The following PDE4D variants were observed in gnomAD, a reference collection of about 807,000 sequenced individuals.
The protein encoded by PDE4D is phosphodiesterase 4D, also known as 3',5'-cyclic-AMP phosphodiesterase 4D.
A neutral mutation model predicts 87.4 loss-of-function variants in PDE4D; 24 were observed. The ratio of observed to expected loss-of-function variants is 0.27; its 90% CI spans 0.20 to 0.39. The LOEUF (loss-of-function observed/expected upper bound fraction) is 0.39, where lower values mean the gene tolerates loss of function less well. Ranked by LOEUF, PDE4D falls within the 10% of genes least tolerant of loss-of-function variation. The pLI, the probability that PDE4D is intolerant of heterozygous loss-of-function variation, is 1.00. For synonymous variants in PDE4D, 384 were observed against 383.2 expected (o/e 1.00, Z -0.02); for missense variants, 714 against 1,041.0 (o/e 0.69, Z 4.32).
At chr5:60,100,362 T>G (rs1776096541) in intron 2 of PDE4D, among the ~76,000 whole-genome samples, 1 of 152,002 alleles carries the variant, frequency 6.6e-6, no homozygotes, top group African/African-American at 2.4e-5. Context: ...TACCTTTTTA[T>G]AAAGTTTGAC....
At chr5:59,444,859 A>G (rs1798129350) in intron 1 of PDE4D, among the ~76,000 whole-genome samples, 1 of 152,106 alleles carries the variant, frequency 6.6e-6, no homozygotes, top group African/African-American at 2.4e-5. Context: ...CCCTCCCTAC[A>G]TATTGCCAGC....
intron 1 of PDE4D, among the ~76,000 whole-genome samples, chr5:59,671,759 A>G (rs1463707671): frequency 6.6e-6 from 1 of 151,460 alleles, no homozygotes; most frequent in Non-Finnish European, 1.5e-5. Flanking sequence ...AGGAGCCATG[A>G]TCATACCACT....
At chr5:59,504,821 G>C (rs1032989955) in intron 1 of PDE4D, among the ~76,000 whole-genome samples, 8 of 151,702 alleles carry the variant, frequency 5.3e-5, no homozygotes, top group African/African-American at 1.9e-4. Flanking sequence ...GACCTTCTTG[G>C]GAGGCCTGCT....
At chr5:60,315,294 A>G (rs974917956) in intron 1 of PDE4D, among the ~76,000 whole-genome samples, 94 of 152,274 alleles carry the variant, frequency 6.2e-4, no homozygotes, top group African/African-American at 2.2e-3. Flanking sequence ...CTTTTGAGAA[A>G]TGTCTGTTCA....
chr5:60,478,164 G>A (rs148341664), intron 1 of PDE4D, among the ~76,000 whole-genome samples: 229 of 152,172 alleles, frequency 1.5e-3, no homozygotes, highest in African/African-American at 5.3e-3. Flanking sequence ...TTTATCTAAA[G>A]CATTTAAAAA....
chr5:59,102,720 T>G (rs944977850), intron 5 of PDE4D, among the ~76,000 whole-genome samples: 1 of 152,126 alleles, frequency 6.6e-6, no homozygotes, highest in Admixed American at 6.5e-5. Context: ...TGGGAACTTA[T>G]AAGAAGGAAA....
chr5:60,094,337 C>G (rs1487610618), intron 2 of PDE4D, among the ~76,000 whole-genome samples: 2 of 152,020 alleles, frequency 1.3e-5, no homozygotes, highest in African/African-American at 4.8e-5. Flanking sequence ...TTAGATTATT[C>G]TAAATAACAC....
At chr5:60,323,916 C>A (rs1756539673) in intron 1 of PDE4D, among the ~76,000 whole-genome samples, 1 of 151,918 alleles carries the variant, frequency 6.6e-6, no homozygotes, top group Admixed American at 6.6e-5. Flanking sequence ...TGAGCTATTC[C>A]CTCTGAGGTA....
intron 3 of PDE4D, among the ~76,000 whole-genome samples, chr5:59,899,194 T>C (rs765570418): frequency 1.2e-4 from 19 of 152,164 alleles, no homozygotes; most frequent in Admixed American, 2.0e-4. Flanking sequence ...GATGAGTCTT[T>C]CAGTGGGGAC....
rs1742836688 is a variant in PDE4D, at chr5:58,972,761, C to CCAA, written c.*1900_*1902dup. On this transcript the variant is annotated 3_prime_UTR_variant, in exon 15 of 15. Coordinates refer to ENST00000340635, the MANE Select transcript of PDE4D (RefSeq NM_001104631.2). ...AGTCAGAATTAAATGCCCCATGATG[C>CCAA]CAACTGCTATAATCAGGTAAACACT... 1 of 152,132 alleles carries CCAA rather than the reference C, an allele frequency of 6.6e-6. No individual in the cohort carries two copies. The allele number at this position is 152,132 out of a possible 1,614,324, so 9.4% of individuals were successfully genotyped here. A position where few individuals can be genotyped will look rare whatever the true frequency, so the allele number is the denominator to read the frequency against.
At chr5:59,563,581 A>G (rs1236131608) in intron 1 of PDE4D, among the ~76,000 whole-genome samples, 2 of 152,218 alleles carry the variant, frequency 1.3e-5, no homozygotes, top group Non-Finnish European at 2.9e-5. Flanking sequence ...AATTCATTCC[A>G]TCTTCACAAC....
chr5:59,081,901 A>G (rs1175821549), intron 5 of PDE4D, among the ~76,000 whole-genome samples: 1 of 152,120 alleles, frequency 6.6e-6, no homozygotes, highest in Non-Finnish European at 1.5e-5. Context: ...AGATAATTGA[A>G]TCATAGGGCA....
intron 1 of PDE4D, among the ~76,000 whole-genome samples, chr5:59,236,502 CAT>C (rs1756454575): frequency 6.6e-6 from 1 of 152,170 alleles, no homozygotes; most frequent in South Asian, 2.1e-4. Flanking sequence ...AAAAGGCTGT[CAT>C]AGCTATTTGA....
At chr5:59,652,768 C>T (rs2150245927) in intron 1 of PDE4D, among the ~76,000 whole-genome samples, 1 of 152,056 alleles carries the variant, frequency 6.6e-6, no homozygotes, top group East Asian at 1.9e-4. Flanking sequence ...GCTCAGGAAA[C>T]ACTCATTTCA....
chr5:59,242,892 C>T (rs942195403), intron 1 of PDE4D, among the ~76,000 whole-genome samples: 1 of 152,132 alleles, frequency 6.6e-6, no homozygotes, highest in Non-Finnish European at 1.5e-5. Flanking sequence ...TGGCTTTTCT[C>T]ACAATATGGC....
At chr5:59,493,237 T>C (rs901113569) in intron 1 of PDE4D, among the ~76,000 whole-genome samples, 1 of 152,180 alleles carries the variant, frequency 6.6e-6, no homozygotes, top group African/African-American at 2.4e-5. Flanking sequence ...GAAAACCTCT[T>C]ATTTTGCAGG....
intron 1 of PDE4D, among the ~76,000 whole-genome samples, chr5:59,262,159 A>G (rs1762106790): frequency 6.6e-6 from 1 of 151,976 alleles, no homozygotes; most frequent in Non-Finnish European, 1.5e-5. Context: ...TCACTAGACC[A>G]TAAATTTTAT....
chr5:59,251,747 T>C (rs1759978395), intron 1 of PDE4D, among the ~76,000 whole-genome samples: 2 of 152,142 alleles, frequency 1.3e-5, no homozygotes, highest in South Asian at 4.1e-4. Flanking sequence ...TCCAGCACTA[T>C]TAACAATAGT....
intron 5 of PDE4D, chr5:59,157,169 TTC>T: frequency 1.7e-6 from 1 of 584,602 alleles, no homozygotes; most frequent in African/African-American, 1.9e-5. Flanking sequence ...CAATTTTTTT[TTC>T]TTTCTGAAGG....
Sources: gnomAD v4.1 joint callset for allele counts (sites outside exome capture counted in the v4.1 genomes callset) on GRCh38, gnomAD v4.1.1 for gene constraint, MANE v1.5 for transcripts, NCBI Gene and HGNC (gene_info 2026-07-23, HGNC 2026-07-21) for gene names.